Variants in ZNF174 observed in about 807,000 individuals in gnomAD.
ZNF174 encodes AW-1.
In ZNF174, 30 loss-of-function variants were observed where a neutral mutation model predicts 38.7. The observed-to-expected ratio is 0.78, with a 90% CI of 0.58 to 1.05. ZNF174 has a LOEUF of 1.05. ZNF174 is among the 50% of genes least tolerant of loss of function. ZNF174 has a pLI of 0.00. For missense variants in ZNF174, 499 were observed against 495.6 expected, an observed-to-expected ratio of 1.01 and a Z score of -0.06; for synonymous variants, 201 against 181.7, an observed-to-expected ratio of 1.11 and a Z score of -0.86.
rs1386023614 is a variant in ZNF174, at chr16:3,404,655, ACT to A, written c.625+10_625+11del. ...CCCAAATTGGCTGGGACAGGTAAAC[ACT>A]CTGCCTTTTCTCTCCCTCTCATCAG... is the stretch of plus-strand genomic sequence containing the variant. On this transcript the variant is annotated splice_region_variant and intron_variant, in intron 2 of 2. Transcript: ENST00000268655. 6.2e-7 allele frequency: 1 copy of A among 1,613,780 alleles called. No homozygotes were observed. The highest frequency in any genetic ancestry group is 8.5e-7 in the Non-Finnish European group (1 of 1,179,884).
rs2033924409 is a variant in ZNF174, at chr16:3,402,096, G to A, written c.92G>A (p.Arg31Gln). ...ATAATAGCCAAACTAGAAGAGAAAC[G>A]GGGCCCTCCTCTGCAAAAAAACTGC... ...RHIIAKLEEK[R>Q]GPPLQKNCPD... Residue 31 changes from arginine to glutamine, a missense_variant, in exon 1 of 3, where the codon CGG becomes CAG. Arg to Gln is a conservative substitution (Grantham distance 43, BLOSUM62 1). Transcript: ENST00000268655. 15 of 1,614,000 alleles carry A rather than the reference G, an allele frequency of 9.3e-6. No individual in the cohort carries two copies. Among genetic ancestry groups the A allele is most frequent in the Non-Finnish European group, 1.3e-5 (15 of 1,180,036 alleles).
At chr16:3,404,989 A>T (rs1382939715) in intron 2 of ZNF174, 1 of 1,614,058 alleles carries the variant, frequency 6.2e-7, no homozygotes, top group Non-Finnish European at 8.5e-7. Context: ...CATTGCTTAA[A>T]ATGCTCCTCT....
chr16:3,405,898 T>A (rs971937432), intron 2 of ZNF174, among the ~76,000 whole-genome samples: 10 of 152,116 alleles, frequency 6.6e-5, no homozygotes, highest in Non-Finnish European at 1.3e-4. Context: ...TCCCAGCTGC[T>A]TGGGGGAGCT....
At chr16:3,402,619 C>T (rs1233125703) in intron 1 of ZNF174, among the ~76,000 whole-genome samples, 2 of 150,652 alleles carry the variant, frequency 1.3e-5, no homozygotes, top group Admixed American at 6.6e-5. Flanking sequence ...CCACCGCGCC[C>T]GGCTAATTTT....
intron 1 of ZNF174, among the ~76,000 whole-genome samples, chr16:3,403,423 G>A (rs2033996728): frequency 6.6e-6 from 1 of 151,386 alleles, no homozygotes; most frequent in African/African-American, 2.4e-5. Context: ...CTCCCGCCTT[G>A]GCCTCTCAAA....
intron 2 of ZNF174, chr16:3,405,055 TC>T: frequency 5.7e-6 from 9 of 1,577,094 alleles, no homozygotes; most frequent in Non-Finnish European, 7.7e-6. Flanking sequence ...ATCTTTGTCC[TC>T]CTCTGTGATG....
At chr16:3,406,991 A>G (rs949115249) in intron 2 of ZNF174, among the ~76,000 whole-genome samples, 4 of 152,190 alleles carry the variant, frequency 2.6e-5, no homozygotes, top group African/African-American at 9.6e-5. Flanking sequence ...GGGTCTGTCA[A>G]TCTGATCAGG....
intron 2 of ZNF174, 134 bp downstream of exon 2, chr16:3,404,782 TA>T: frequency 6.6e-7 from 1 of 1,513,820 alleles, no homozygotes; most frequent in Non-Finnish European, 9.0e-7. Flanking sequence ...GATTATTCAC[TA>T]AACAAATTTC....
chr16:3,407,218 A>G (rs78049421), intron 2 of ZNF174, among the ~76,000 whole-genome samples: 2,783 of 152,234 alleles, frequency 0.018, 83 homozygotes, highest in African/African-American at 0.06. Context: ...TAAGGACACT[A>G]ATCCCATTTA....
intron 1 of ZNF174, 89 bp from the exon 2 acceptor site, chr16:3,404,337 C>G (rs1304066757): frequency 1.5e-6 from 2 of 1,352,840 alleles, no homozygotes; most frequent in African/African-American, 2.9e-5. Context: ...TCAGCAATTC[C>G]CAAGGTAAAC....
At chr16:3,405,720 A>C (rs1220567237) in intron 2 of ZNF174, among the ~76,000 whole-genome samples, 1 of 152,234 alleles carries the variant, frequency 6.6e-6, no homozygotes, top group African/African-American at 2.4e-5. Context: ...AAATGGAATC[A>C]CACAGGCCGG....
Position 3,409,049 on chromosome 16 carries a change from C to A in ZNF174, c.*130C>A. On this transcript the variant is annotated 3_prime_UTR_variant, in exon 3 of 3. Coordinates refer to ENST00000268655, the MANE Select transcript of ZNF174 (RefSeq NM_003450.3). ...GAGGCCCTTGAGGAATGATGATGCA[C>A]ATTCTGCTGTGAGGAGGCCCAGAAA... 1 of 1,058,822 alleles carries A rather than the reference C, an allele frequency of 9.4e-7. No individual in the cohort carries two copies. Among genetic ancestry groups the A allele is most frequent in the Non-Finnish European group, 1.4e-6 (1 of 732,734 alleles). The allele number at this position is 1,058,822 out of a possible 1,614,324, so 65.6% of individuals were successfully genotyped here.
chr16:3,407,882 G>T (rs2034076883), intron 2 of ZNF174, among the ~76,000 whole-genome samples: 1 of 152,204 alleles, frequency 6.6e-6, no homozygotes, highest in Admixed American at 6.5e-5. Context: ...TAAGTGAGGG[G>T]TATTTGTTGA....
intron 2 of ZNF174, 68 bp downstream of exon 2, chr16:3,404,716 G>A: frequency 6.3e-7 from 1 of 1,593,310 alleles, no homozygotes; most frequent in Non-Finnish European, 8.6e-7. Context: ...TCATGGTTCT[G>A]CAAAGGCATA....
chr16:3,403,680 C>T (rs533328113), intron 1 of ZNF174, among the ~76,000 whole-genome samples: 50 of 151,974 alleles, frequency 3.3e-4, no homozygotes, highest in Non-Finnish European at 6.2e-4. Context: ...GACAGGGTTT[C>T]TCCACATTGC....
intron 1 of ZNF174, among the ~76,000 whole-genome samples, chr16:3,403,857 G>A (rs1429827462): frequency 6.6e-6 from 1 of 152,118 alleles, no homozygotes; most frequent in Non-Finnish European, 1.5e-5. Context: ...GCCACTCCCC[G>A]CCCCGAAGTC....
In ZNF174 at chr16:3,401,970, G is replaced by A; in HGVS notation, c.-35G>A. 1 of 1,602,406 alleles carries A rather than the reference G, an allele frequency of 6.2e-7. No individual in the cohort carries two copies. The highest frequency in any genetic ancestry group is 8.5e-7 in the Non-Finnish European group (1 of 1,177,550). On this transcript the variant is annotated 5_prime_UTR_variant, in exon 1 of 3. Coordinates refer to ENST00000268655, the MANE Select transcript of ZNF174 (RefSeq NM_003450.3). ...GGTCATGATCCCAAAGGCTTAACCC[G>A]TTTACAAGGAGAGAGTTGTCTCCTG...
chr16:3,408,725 C>G lies in ZNF174; in HGVS notation c.1030C>G (p.His344Asp). Residue 344 changes from histidine (H) to aspartate (D), a missense_variant, in exon 3 of 3, where the codon CAC becomes GAC. Coordinates refer to ENST00000268655, the MANE Select transcript of ZNF174 (RefSeq NM_003450.3). ...CACGTGGAATTCAGAGCTGAAGAGA[C>G]ACAAGAGAGTCCACACAGGAGAGAG... ...SFTWNSELKRHKRVHTGERPY... is the reference protein window; with the variant it reads ...SFTWNSELKRDKRVHTGERPY... 1.2e-6 allele frequency: 2 copies of G among 1,614,064 alleles called. No individual in the cohort carries two copies. The highest frequency in any genetic ancestry group is 2.7e-5 in the African/African-American group (2 of 74,998).
At chr16:3,402,709 C>T (rs943947025) in intron 1 of ZNF174, among the ~76,000 whole-genome samples, 4 of 152,082 alleles carry the variant, frequency 2.6e-5, no homozygotes, top group Non-Finnish European at 5.9e-5. Flanking sequence ...CCGCCCGCCT[C>T]GGCCTCCCAA....
Sources: allele counts gnomAD v4.1 joint callset (sites outside exome capture counted in the v4.1 genomes callset), GRCh38; gene constraint gnomAD v4.1.1; transcripts MANE v1.5; gene names NCBI Gene and HGNC (gene_info 2026-07-23, HGNC 2026-07-21).